Variants in F10 observed in about 807,000 individuals in gnomAD.
The protein encoded by F10 is coagulation factor X.
Under a neutral mutation model 37.1 loss-of-function variants are expected in F10, and 29 were observed. That is an observed-to-expected ratio of 0.78 (90% CI 0.58 to 1.07). The LOEUF (loss-of-function observed/expected upper bound fraction) is 1.07, where lower values mean the gene tolerates loss of function less well. Ranked by LOEUF, F10 falls within the 50% of genes least tolerant of loss-of-function variation. The probability of loss-of-function intolerance (pLI) is 0.00; values close to 1 mark genes in which losing one functional copy is unlikely to be tolerated. For missense variants in F10, 539 were observed against 667.9 expected (o/e 0.81, Z 2.13); for synonymous variants, 262 against 268.6 (o/e 0.98, Z 0.24).
chr13:113,147,741 C>T (rs1024208100), intron 7 of F10, among the ~76,000 whole-genome samples: 3 of 152,220 alleles, frequency 2.0e-5, no homozygotes, highest in Non-Finnish European at 2.9e-5. Context: ...GTCCAGGTCT[C>T]GGGTCTCCGA....
At chr13:113,128,144 ACT>A (rs997218615) in intron 1 of F10, 2 of 152,202 alleles carry the variant, frequency 1.3e-5, no homozygotes, top group African/African-American at 4.8e-5. Flanking sequence ...AAGAAGCCAA[ACT>A]CTGTAAAATA....
intron 2 of F10, chr13:113,129,856 C>T (rs111491051): frequency 0.017 from 9,364 of 558,202 alleles, 108 homozygotes; most frequent in Non-Finnish European, 0.023. Context: ...GCCCAAGTCC[C>T]TTGAGGGTCA....
chr13:113,142,635 A>G (rs2036542346), intron 5 of F10, among the ~76,000 whole-genome samples: 1 of 148,040 alleles, frequency 6.8e-6, no homozygotes, highest in South Asian at 2.1e-4. Context: ...TTGTAGTGCA[A>G]AAAGTTCAGG....
intron 2 of F10, among the ~76,000 whole-genome samples, chr13:113,136,633 CTTTTTTTTTTTTTTTT>C (rs1170291536): frequency 3.3e-4 from 2 of 6,020 alleles, no homozygotes; most frequent in African/African-American, 6.2e-4. Context: ...AATTCTTGTA[CTTTTTTTTTTTTTTTT>C]TTTTTTTTTT....
rs745449796 is a variant in F10, at chr13:113,141,808, G to T, written c.502+758G>T. ...ACTCATAGCTGGCCCGACCCGCAGC[G>T]TTGGCCTCACCCGGGGGCATATTCG... On this transcript the variant is annotated intron_variant, in intron 5 of 7. Transcript: ENST00000375559. The surrounding 1 kb of genome is among the most constrained non-coding windows in gnomAD (Gnocchi z 5.4). Among the ~76,000 whole-genome samples the T allele has an allele frequency of 6.6e-6, 1 of 152,182 alleles. No homozygotes were observed. Among genetic ancestry groups the T allele is most frequent in the Non-Finnish European group, 1.5e-5 (1 of 68,032 alleles).
intron 7 of F10, among the ~76,000 whole-genome samples, chr13:113,148,345 A>AAAAATATATATATATATAT (rs1300922846): frequency 9.4e-5 from 9 of 95,408 alleles, no homozygotes; most frequent in East Asian, 4.3e-4. Flanking sequence ...AAAAAAAAAA[A>AAAAATATATATATATATAT]ATATATATAT....
Position 113,139,294 on chromosome 13 carries a change from A to T in F10, c.257-63A>T, listed in dbSNP as rs1206214375. On this transcript the variant is annotated intron_variant, in intron 3 of 7. Coordinates refer to ENST00000375559, the MANE Select transcript of F10 (RefSeq NM_000504.4). This position sits in a 1 kb window ranked among gnomAD's most constrained non-coding sequence, Gnocchi z 5.2. ...CGGCAGGGCCAAGGTTAGCACAGCA[A>T]AACTGTTTCCATGATGCCGGAAACA... 7.0e-7 allele frequency: 1 copy of T among 1,423,408 alleles called. No homozygotes were observed. Among genetic ancestry groups the T allele is most frequent in the African/African-American group, 1.4e-5 (1 of 70,858 alleles). 88.2% of individuals were successfully genotyped at this position (1,423,408 alleles called of 1,614,324 possible).
intron 2 of F10, among the ~76,000 whole-genome samples, chr13:113,135,050 G>A (rs946206558): frequency 2.0e-5 from 3 of 152,042 alleles, no homozygotes; most frequent in Non-Finnish European, 2.9e-5. Context: ...AGACCAGCCT[G>A]GCCAACATGG....
At position 113,141,113 on chromosome 13, in the gene F10, C is replaced by T. The variant is rs534226055; in HGVS notation, c.502+63C>T. On this transcript the variant is annotated intron_variant, in intron 5 of 7. Coordinates refer to ENST00000375559, the MANE Select transcript of F10 (RefSeq NM_000504.4). The surrounding 1 kb of genome is among the most constrained non-coding windows in gnomAD (Gnocchi z 5.4). The stretch of plus-strand genomic sequence containing the variant: ...TGGGCCGGGCCAGGGAGGACAAGCC[C>T]GTGCCAGGGGGTGGGGACACAGGCA... 5.3e-5 allele frequency: 85 copies of T among 1,604,454 alleles called. No homozygotes were observed. The East Asian group carries it at 1.3e-3, about 24-fold the overall frequency.
chr13:113,129,706 G>A, intron 2 of F10, 94 bp downstream of exon 2: 2 of 1,540,134 alleles, frequency 1.3e-6, no homozygotes, highest in Non-Finnish European at 1.8e-6. Context: ...GGGGCGGCCT[G>A]GAGGAAGGGG....
In F10 at chr13:113,136,940, G is replaced by A. The variant is rs77923609; in HGVS notation, c.232-1517G>A. 2.5e-4 allele frequency among the ~76,000 whole-genome samples: 2 copies of A among 8,010 alleles called. 1 individual carries two copies. 5.3% of individuals were successfully genotyped at this position (8,010 alleles called of 152,430 possible). ...GCTGGGATTACAGGCGTGAGCCACC[G>A]CGCCCGGCCAATTCTTGTACTTTTA... On this transcript the variant is annotated intron_variant, in intron 2 of 7. Transcript: ENST00000375559.
chr13:113,138,223 A>G (rs1240513035), intron 2 of F10, among the ~76,000 whole-genome samples: 1 of 152,230 alleles, frequency 6.6e-6, no homozygotes, highest in African/African-American at 2.4e-5. Context: ...AAATATTTTC[A>G]ATATTCAACA....
Position 113,143,783 on chromosome 13 carries a change from G to A in F10, c.503-68G>A. ...CGGCTCTCTGACTCTTCTCCCTCAGGGTGAGCTGTGCAGGCTATGGGGAGC... is the reference window on the plus strand; with the variant it reads ...CGGCTCTCTGACTCTTCTCCCTCAGAGTGAGCTGTGCAGGCTATGGGGAGC... On this transcript the variant is annotated intron_variant, in intron 5 of 7. Coordinates refer to ENST00000375559, the MANE Select transcript of F10 (RefSeq NM_000504.4). The surrounding 1 kb of genome is among the most constrained non-coding windows in gnomAD (Gnocchi z 6.8). The A allele has an allele frequency of 6.2e-7, 1 of 1,600,628 alleles. No homozygotes were observed. The highest frequency in any genetic ancestry group is 2.2e-5 in the East Asian group (1 of 44,838).
intron 2 of F10, among the ~76,000 whole-genome samples, chr13:113,133,500 A>G (rs1299857693): frequency 6.6e-6 from 1 of 152,204 alleles, no homozygotes; most frequent in African/African-American, 2.4e-5. Flanking sequence ...ACCAAAACAT[A>G]CACAAGGTGA....
In F10 at chr13:113,139,299, G is replaced by A. The variant is rs1484548421; in HGVS notation, c.257-58G>A. On this transcript the variant is annotated intron_variant, in intron 3 of 7. Transcript: ENST00000375559. The surrounding 1 kb of genome is among the most constrained non-coding windows in gnomAD (Gnocchi z 5.2). ...GGGCCAAGGTTAGCACAGCAAAACT[G>A]TTTCCATGATGCCGGAAACAGCTTG... is the stretch of plus-strand genomic sequence containing the variant. 3 of 1,453,922 alleles carry A rather than the reference G, an allele frequency of 2.1e-6. No homozygotes were observed. The highest frequency in any genetic ancestry group is 1.9e-6 in the Non-Finnish European group (2 of 1,038,322). 90.1% of individuals were successfully genotyped at this position (1,453,922 alleles called of 1,614,324 possible). A position where few individuals can be genotyped will look rare whatever the true frequency, so the allele number is the denominator to read the frequency against.
intron 5 of F10, among the ~76,000 whole-genome samples, chr13:113,142,074 C>T (rs185362487): frequency 3.8e-4 from 58 of 152,350 alleles, no homozygotes; most frequent in African/African-American, 1.3e-3. Flanking sequence ...ATCCTTCAAG[C>T]GCTGCTTCAA....
Position 113,143,975 on chromosome 13 carries a change from C to T in F10, c.627C>T (p.Asp209=), listed in dbSNP as rs750649528. 17 of 1,612,252 alleles carry T rather than the reference C, an allele frequency of 1.1e-5. No homozygotes were observed. The East Asian group carries it at 3.3e-4, about 32-fold the overall frequency. Residue 209 remains aspartate (D), a synonymous_variant, in exon 6 of 8, where the codon GAC becomes GAT. Coordinates refer to ENST00000375559, the MANE Select transcript of F10 (RefSeq NM_000504.4). The surrounding 1 kb of genome is among the most constrained non-coding windows in gnomAD (Gnocchi z 6.8). ...TWKPYDAADL[D]PTENPFDLLD... Reference sequence around the variant, plus strand: ...AGCCATATGATGCAGCCGACCTGGACCCCACCGAGAACCCCTTCGACCTGC... The same window carrying T: ...AGCCATATGATGCAGCCGACCTGGATCCCACCGAGAACCCCTTCGACCTGC...
intron 2 of F10, chr13:113,129,850 A>T (rs974302221): frequency 2.5e-5 from 14 of 565,556 alleles, no homozygotes; most frequent in Middle Eastern, 4.8e-4. Flanking sequence ...GGATGCGCCC[A>T]AGTCCCTTGA....
At chr13:113,127,625 G>A (rs779642208) in intron 1 of F10, among the ~76,000 whole-genome samples, 2 of 152,140 alleles carry the variant, frequency 1.3e-5, no homozygotes, top group Non-Finnish European at 2.9e-5. Flanking sequence ...AGACTCATTT[G>A]CCAGTCATGA....
Sources: gnomAD v4.1 joint callset for allele counts (sites outside exome capture counted in the v4.1 genomes callset) on GRCh38, gnomAD v4.1.1 for gene constraint, Gnocchi (gnomAD v3.1) non-coding constraint, MANE v1.5 for transcripts, NCBI Gene and HGNC (gene_info 2026-07-23, HGNC 2026-07-21) for gene names.